The following MYO3B variants were observed in gnomAD, a reference collection of about 807,000 sequenced individuals.
MYO3B encodes the protein myosin-IIIb.
In MYO3B, 156 loss-of-function variants were observed where a neutral mutation model predicts 174.6. The ratio of observed to expected loss-of-function variants is 0.89; its 90% CI spans 0.78 to 1.02. MYO3B has a LOEUF of 1.02. Ranked by LOEUF, MYO3B falls within the 50% of genes least tolerant of loss-of-function variation. The probability of loss-of-function intolerance (pLI) is 0.00; values close to 1 mark genes in which losing one functional copy is unlikely to be tolerated. For synonymous variants in MYO3B, 563 were observed against 569.1 expected, an observed-to-expected ratio of 0.99 and a Z score of 0.15; for missense variants, 1,632 against 1,639.4, an observed-to-expected ratio of 1.00 and a Z score of 0.08.
chr2:170,265,032 C>T (rs888728480), intron 7 of MYO3B, among the ~76,000 whole-genome samples: 1 of 152,066 alleles, frequency 6.6e-6, no homozygotes, highest in East Asian at 1.9e-4. Flanking sequence ...TTTTAAAAAG[C>T]CTTTTAAAGA....
chr2:170,357,338 A>T (rs6759125), intron 8 of MYO3B, among the ~76,000 whole-genome samples: 3 of 126,892 alleles, frequency 2.4e-5, no homozygotes, highest in Non-Finnish European at 5.4e-5. Flanking sequence ...AATAATATAT[A>T]TTATATATAT....
At chr2:170,430,017 T>C (rs1295244569) in intron 22 of MYO3B, among the ~76,000 whole-genome samples, 1 of 151,970 alleles carries the variant, frequency 6.6e-6, no homozygotes, top group African/African-American at 2.4e-5. Context: ...CAGGTTTTTT[T>C]TTTTTTTTTC....
At chr2:170,418,272 T>G (rs2094593820) in intron 22 of MYO3B, among the ~76,000 whole-genome samples, 1 of 152,230 alleles carries the variant, frequency 6.6e-6, no homozygotes, top group Admixed American at 6.5e-5. Flanking sequence ...CATACTCCCC[T>G]TGCCTTCCTG....
rs540982584 is a variant in MYO3B at position 170,644,267 on chromosome 2, T to A, written c.3734-7361T>A. Among the ~76,000 whole-genome samples, 394 of 152,188 alleles carry A rather than the reference T, an allele frequency of 2.6e-3. 2 individuals are homozygous for A. The highest frequency in any genetic ancestry group is 4.6e-3 in the Admixed American group (70 of 15,270). On this transcript the variant is annotated intron_variant, in intron 32 of 34. Transcript: ENST00000408978. ...ATTGGTTGTTTATCTGAAATTCAAA[T>A]CTATCTAACTGTGTGTCTTTTTTTT...
chr2:170,275,419 T>C (rs2093457649), intron 7 of MYO3B, among the ~76,000 whole-genome samples: 1 of 152,218 alleles, frequency 6.6e-6, no homozygotes, highest in African/African-American at 2.4e-5. Context: ...CCCATACCTT[T>C]GCTTTGGAAC....
intron 7 of MYO3B, among the ~76,000 whole-genome samples, chr2:170,310,375 A>G (rs575249239): frequency 6.6e-6 from 1 of 152,236 alleles, no homozygotes; most frequent in South Asian, 2.1e-4. Flanking sequence ...TTTAAGAAAT[A>G]CACTGGGCTG....
At chr2:170,578,344 A>G (rs1308920164) in intron 32 of MYO3B, among the ~76,000 whole-genome samples, 2 of 152,266 alleles carry the variant, frequency 1.3e-5, no homozygotes, top group African/African-American at 2.4e-5. Context: ...TATCTATCTT[A>G]CTGAAGCACA....
intron 32 of MYO3B, among the ~76,000 whole-genome samples, chr2:170,591,298 G>A (rs980145902): frequency 2.0e-5 from 3 of 152,166 alleles, no homozygotes; most frequent in Non-Finnish European, 4.4e-5. Context: ...TTTCCAGGAG[G>A]CCTAAAACTC....
intron 22 of MYO3B, among the ~76,000 whole-genome samples, chr2:170,418,046 G>A (rs2094592275): frequency 6.6e-6 from 1 of 152,208 alleles, no homozygotes; most frequent in South Asian, 2.1e-4. Flanking sequence ...GTAAGGATGG[G>A]ACCAGATTCC....
intron 13 of MYO3B, among the ~76,000 whole-genome samples, chr2:170,386,650 A>C (rs546744587): frequency 6.6e-6 from 1 of 152,348 alleles, no homozygotes; most frequent in South Asian, 2.1e-4. Flanking sequence ...AGGGAAATGA[A>C]AATTTTCAGC....
intron 2 of MYO3B, 43 bp from the exon 3 acceptor site, chr2:170,200,107 C>T: frequency 6.3e-7 from 1 of 1,588,454 alleles, no homozygotes; most frequent in Non-Finnish European, 8.6e-7. Context: ...CCCTTCCTTA[C>T]ACATTAGATT....
chr2:170,442,629 T>C (rs564655724), intron 22 of MYO3B, among the ~76,000 whole-genome samples: 1 of 152,064 alleles, frequency 6.6e-6, no homozygotes, highest in Non-Finnish European at 1.5e-5. Context: ...ATTAGGTATA[T>C]CTCCTAATGC....
At chr2:170,285,942 A>G (rs1472834341) in intron 7 of MYO3B, among the ~76,000 whole-genome samples, 1 of 152,140 alleles carries the variant, frequency 6.6e-6, no homozygotes, top group African/African-American at 2.4e-5. Flanking sequence ...TTGTTCCAAT[A>G]TCATTTACTG....
At chr2:170,557,730 A>G (rs1172411019) in intron 32 of MYO3B, among the ~76,000 whole-genome samples, 1 of 152,130 alleles carries the variant, frequency 6.6e-6, no homozygotes, top group African/African-American at 2.4e-5. Flanking sequence ...GATAGGGGTG[A>G]GCACAGGAGC....
chr2:170,628,423 C>T lies in MYO3B; in HGVS notation c.3734-23205C>T, dbSNP rs572556221. Among the ~76,000 whole-genome samples the T allele has an allele frequency of 3.9e-5, 6 of 152,320 alleles. 1 individual carries two copies. The South Asian group carries it at 8.3e-4, about 21-fold the overall frequency. On this transcript the variant is annotated intron_variant, in intron 32 of 34. Transcript: ENST00000408978. ...GCACAGTATTAGGGTGGGAGTGACC[C>T]GATTTTCCAGGTGCCATCTGTCACA...
At chr2:170,495,940 C>T (rs937757897) in intron 25 of MYO3B, among the ~76,000 whole-genome samples, 6 of 152,204 alleles carry the variant, frequency 3.9e-5, no homozygotes, top group African/African-American at 1.4e-4. Flanking sequence ...AAACTACAGT[C>T]CTGGAGAACC....
At chr2:170,328,102 G>C (rs1559390383) in intron 7 of MYO3B, among the ~76,000 whole-genome samples, 1 of 151,900 alleles carries the variant, frequency 6.6e-6, no homozygotes, top group African/African-American at 2.4e-5. Flanking sequence ...GGGTTTTGTT[G>C]TATTGCCCAG....
intron 15 of MYO3B, 40 bp from the exon 16 acceptor site, chr2:170,392,341 T>C (rs753214943): frequency 4.2e-6 from 6 of 1,416,172 alleles, no homozygotes; most frequent in Non-Finnish European, 5.8e-6. Context: ...ACTTTCCAAG[T>C]CAGTGCTCAT....
chr2:170,410,044 T>A (rs1275687961), intron 22 of MYO3B, among the ~76,000 whole-genome samples: 1 of 152,208 alleles, frequency 6.6e-6, no homozygotes, highest in Non-Finnish European at 1.5e-5. Context: ...TGCCTATACA[T>A]CTTGATGTTC....
Sources: allele counts gnomAD v4.1 joint callset (sites outside exome capture counted in the v4.1 genomes callset), GRCh38; gene constraint gnomAD v4.1.1; transcripts MANE v1.5; gene names NCBI Gene and HGNC (gene_info 2026-07-23, HGNC 2026-07-21).